Variants in NUB1 observed in about 807,000 individuals in gnomAD.
NUB1 encodes the protein negative regulator of ubiquitin like proteins 1.
Under a neutral mutation model 77.1 loss-of-function variants are expected in NUB1, and 41 were observed. The ratio of observed to expected loss-of-function variants is 0.53; its 90% CI spans 0.41 to 0.69. NUB1 has a LOEUF of 0.69. Among genes scored for constraint, NUB1 ranks in the 30% least tolerant of loss-of-function variants. NUB1 has a pLI of 0.00. For synonymous variants in NUB1, 257 were observed against 281.0 expected, an observed-to-expected ratio of 0.91 and a Z score of 0.85; for missense variants, 643 against 743.8, an observed-to-expected ratio of 0.86 and a Z score of 1.58.
chr7:151,370,543 T>A (rs1039428082), intron 11 of NUB1, among the ~76,000 whole-genome samples: 9 of 152,160 alleles, frequency 5.9e-5, no homozygotes, highest in African/African-American at 1.9e-4. Flanking sequence ...CCTTTAATTT[T>A]ATTTTATTAT....
At position 151,357,601 on chromosome 7, in the gene NUB1, GATTAAAGT is replaced by G. The variant is rs906528023; in HGVS notation, c.693+1380_693+1387del. Among the ~76,000 whole-genome samples, 5 of 147,108 alleles carry G rather than the reference GATTAAAGT, an allele frequency of 3.4e-5. No homozygotes were observed. In the South Asian group the frequency reaches 6.5e-4, roughly 19 times the overall value. On this transcript the variant is annotated intron_variant, in intron 7 of 14. Coordinates refer to ENST00000568733, the MANE Select transcript of NUB1 (RefSeq NM_001243351.2). The stretch of plus-strand genomic sequence containing the variant: ...ATGAGTTACTCTGTTTAAAATTAAA[GATTAAAGT>G]TTTTTTTTTTTTTTTCTTGAAAAGG...
Position 151,345,460 on chromosome 7 carries a change from A to G in NUB1, c.111A>G (p.Ala37=). ...YTDENKKVGL[A]LKDLAKQYSD... ...ATGAAAATAAAAAAGTTGGTTTGGC[A>G]TTAAAGGTATTTTTCTTTTAAGACA... The change falls in exon 2 of 15, where the codon GCA becomes GCG. Residue 37 remains alanine (A), a synonymous_variant. Transcript: ENST00000568733. 1 of 1,529,312 alleles carries G rather than the reference A, an allele frequency of 6.5e-7. No homozygotes were observed. The highest frequency in any genetic ancestry group is 9.0e-7 in the Non-Finnish European group (1 of 1,112,148). The allele number at this position is 1,529,312 out of a possible 1,614,324, so 94.7% of individuals were successfully genotyped here. A position where few individuals can be genotyped will look rare whatever the true frequency, so the allele number is the denominator to read the frequency against.
At chr7:151,374,059 T>A (rs1306852743) in intron 11 of NUB1, 38 bp from the exon 12 acceptor site, 1 of 1,530,220 alleles carries the variant, frequency 6.5e-7, no homozygotes, top group Admixed American at 2.1e-5. Context: ...GAAATCTCAG[T>A]CCCTAACTTG....
intron 7 of NUB1, among the ~76,000 whole-genome samples, chr7:151,357,624 T>C (rs1797145016): frequency 1.4e-5 from 2 of 143,240 alleles, no homozygotes; most frequent in African/African-American, 2.8e-5. Context: ...TTTTTTTTTT[T>C]CTTGAAAAGG....
chr7:151,348,983 G>A (rs1178421921), intron 2 of NUB1, 90 bp from the exon 3 acceptor site: 6 of 1,200,322 alleles, frequency 5.0e-6, no homozygotes, highest in South Asian at 1.3e-5. Flanking sequence ...ACTCATCAGA[G>A]TTGATGGCCT....
chr7:151,347,649 G>A (rs1041911785), intron 2 of NUB1, among the ~76,000 whole-genome samples: 31 of 152,066 alleles, frequency 2.0e-4, no homozygotes, highest in Non-Finnish European at 4.3e-4. Flanking sequence ...TTGTAGAGAC[G>A]GGGTTTCACT....
intron 8 of NUB1, among the ~76,000 whole-genome samples, chr7:151,364,498 C>T (rs1380490280): frequency 6.6e-6 from 1 of 151,700 alleles, no homozygotes; most frequent in African/African-American, 2.4e-5. Context: ...GTTAAATAAC[C>T]GACTTAAGCT....
intron 7 of NUB1, among the ~76,000 whole-genome samples, chr7:151,358,154 T>C (rs1376038771): frequency 6.6e-6 from 1 of 151,886 alleles, no homozygotes; most frequent in Non-Finnish European, 1.5e-5. Flanking sequence ...TTTGTATTTT[T>C]AGTAGAGACG....
At chr7:151,345,758 T>G (rs1796475077) in intron 2 of NUB1, among the ~76,000 whole-genome samples, 1 of 152,254 alleles carries the variant, frequency 6.6e-6, no homozygotes, top group South Asian at 2.1e-4. Context: ...ACAGTATTGG[T>G]GCCAGTAAGT....
At chr7:151,351,567 ATAGG>A in intron 4 of NUB1, 85 bp downstream of exon 4, 1 of 935,516 alleles carries the variant, frequency 1.1e-6, no homozygotes, top group Non-Finnish European at 1.7e-6. Context: ...TCCTCTTAAG[ATAGG>A]TAGGGCAGGT....
chr7:151,352,906 A>C (rs939719732), intron 5 of NUB1, 24 bp downstream of exon 5: 3 of 1,249,596 alleles, frequency 2.4e-6, no homozygotes, highest in Non-Finnish European at 3.4e-6. Context: ...AGTATGCATA[A>C]TTTTTTAATG....
At chr7:151,369,968 G>T (rs977120009) in intron 11 of NUB1, among the ~76,000 whole-genome samples, 2 of 152,192 alleles carry the variant, frequency 1.3e-5, no homozygotes, top group Non-Finnish European at 2.9e-5. Context: ...AGCAGTCACA[G>T]GGTTTCTCCT....
In NUB1 at chr7:151,357,502, T is replaced by C. The variant is rs114130767; in HGVS notation, c.693+1280T>C. ...TGAGAAAGGGTTCAGTAGCTTCTTA[T>C]AATGAATGACTATGGGTCAAATTAA... On this transcript the variant is annotated intron_variant, in intron 7 of 14. Transcript: ENST00000568733. Among the ~76,000 whole-genome samples the C allele has an allele frequency of 9.2e-3, 1,401 of 152,334 alleles. 32 individuals are homozygous for C. The highest frequency in any genetic ancestry group is 0.032 in the African/African-American group (1,321 of 41,570).
At chr7:151,369,199 G>C (rs1312409958) in intron 11 of NUB1, 1 of 177,022 alleles carries the variant, frequency 5.6e-6, no homozygotes, top group African/African-American at 2.4e-5. Context: ...GTAAAGATGG[G>C]GTTTCACCAT....
At chr7:151,362,490 T>C (rs1797425805) in intron 8 of NUB1, among the ~76,000 whole-genome samples, 1 of 152,162 alleles carries the variant, frequency 6.6e-6, no homozygotes, top group African/African-American at 2.4e-5. Flanking sequence ...TGGAGTATGG[T>C]ATGTAGTATG....
At chr7:151,376,395 C>T (rs973949095) in intron 13 of NUB1, 4 of 529,354 alleles carry the variant, frequency 7.6e-6, no homozygotes, top group East Asian at 3.1e-5. Context: ...GCTCTCAGCC[C>T]GAGGTCACTG....
rs575425325 is a variant in NUB1 at position 151,351,906 on chromosome 7, C to A, written c.344+424C>A. 5.3e-5 allele frequency among the ~76,000 whole-genome samples: 4 copies of A among 75,548 alleles called. 1 individual carries two copies. Among genetic ancestry groups the A allele is most frequent in the South Asian group, 6.7e-4 (1 of 1,488 alleles). The allele number at this position is 75,548 out of a possible 152,430, so 49.6% of individuals were successfully genotyped here. A position where few individuals can be genotyped will look rare whatever the true frequency, so the allele number is the denominator to read the frequency against. Reference sequence around the variant, plus strand: ...TTTTATCTGATTTCAGGCTGTTGGCCCATCTGTAAAACACACACACACACA... The same window carrying A: ...TTTTATCTGATTTCAGGCTGTTGGCACATCTGTAAAACACACACACACACA... On this transcript the variant is annotated intron_variant, in intron 4 of 14. Transcript: ENST00000568733.
chr7:151,368,980 A>C, intron 11 of NUB1, 93 bp downstream of exon 11: 1 of 1,289,006 alleles, frequency 7.8e-7, no homozygotes, highest in Non-Finnish European at 1.0e-6. Context: ...ACTCTTTATT[A>C]CTCCAGATTG....
At chr7:151,366,869 A>G (rs1419681459) in intron 8 of NUB1, 70 bp from the exon 9 acceptor site, 5 of 1,272,278 alleles carry the variant, frequency 3.9e-6, no homozygotes, top group Non-Finnish European at 5.4e-6. Context: ...GTCATTCACA[A>G]AAAGGTTTCA....
Sources: allele counts gnomAD v4.1 joint callset (sites outside exome capture counted in the v4.1 genomes callset), GRCh38; gene constraint gnomAD v4.1.1; transcripts MANE v1.5; gene names NCBI Gene and HGNC (gene_info 2026-07-23, HGNC 2026-07-21).